Variants in SLC45A4 observed in about 807,000 individuals in gnomAD.
The protein encoded by SLC45A4 is polyamine-transporter SLC45A4.
A neutral mutation model predicts 63.7 loss-of-function variants in SLC45A4; 32 were observed. The observed-to-expected ratio is 0.50, with a 90% CI of 0.38 to 0.67. The LOEUF is 0.67. Ranked by LOEUF, SLC45A4 falls within the 30% of genes least tolerant of loss-of-function variation. The pLI, the probability that SLC45A4 is intolerant of heterozygous loss-of-function variation, is 0.00. For synonymous variants in SLC45A4, 535 were observed against 510.0 expected, an observed-to-expected ratio of 1.05 and a Z score of -0.66; for missense variants, 1,027 against 1,157.7, an observed-to-expected ratio of 0.89 and a Z score of 1.64.
intron 1 of SLC45A4, among the ~76,000 whole-genome samples, chr8:141,298,916 G>A (rs913586974): frequency 1.3e-5 from 2 of 152,050 alleles, no homozygotes; most frequent in Non-Finnish European, 2.9e-5. Flanking sequence ...GGGGTGGGGG[G>A]AGCTGATGAG....
At chr8:141,252,825 CTG>C (rs1204141265) in intron 2 of SLC45A4, among the ~76,000 whole-genome samples, 3 of 148,704 alleles carry the variant, frequency 2.0e-5, no homozygotes, top group Non-Finnish European at 4.4e-5. Context: ...ACCTGCGTGT[CTG>C]TGAATTTCCG....
At chr8:141,214,347 A>G (rs1441880113) in intron 7 of SLC45A4, among the ~76,000 whole-genome samples, 1 of 152,242 alleles carries the variant, frequency 6.6e-6, no homozygotes, top group Non-Finnish European at 1.5e-5. Flanking sequence ...ACGAAGGATC[A>G]GGAAGGAGAA....
At chr8:141,228,939 C>T (rs140195397) in intron 2 of SLC45A4, among the ~76,000 whole-genome samples, 1,819 of 152,244 alleles carry the variant, frequency 0.012, 14 homozygotes, top group Non-Finnish European at 0.02. Flanking sequence ...GTCAGGACCC[C>T]GGGCACCAAC....
In SLC45A4 at chr8:141,207,932, C is replaced by T. The variant is rs182199350; in HGVS notation, c.*3640G>A. 107 of 152,476 alleles carry T rather than the reference C, an allele frequency of 7.0e-4. No homozygotes were observed. The highest frequency in any genetic ancestry group is 1.8e-3 in the Admixed American group (27 of 15,308). 9.4% of individuals were successfully genotyped at this position (152,476 alleles called of 1,614,324 possible). ...CAGGTGGTGAAGGGCAGAACCCCCCCAGGAGCTCTCGGAAGCAGGGGTCCC... is the reference window on the plus strand; with the variant it reads ...CAGGTGGTGAAGGGCAGAACCCCCCTAGGAGCTCTCGGAAGCAGGGGTCCC... On this transcript the variant is annotated 3_prime_UTR_variant, in exon 9 of 9. Coordinates refer to ENST00000517878, the MANE Select transcript of SLC45A4 (RefSeq NM_001286646.2).
At chr8:141,243,404 G>A (rs183431481) in intron 2 of SLC45A4, among the ~76,000 whole-genome samples, 34 of 152,326 alleles carry the variant, frequency 2.2e-4, no homozygotes, top group East Asian at 5.8e-4. Flanking sequence ...AGGAAAAGCC[G>A]TTCCTTCCGC....
intron 1 of SLC45A4, among the ~76,000 whole-genome samples, chr8:141,257,131 C>T (rs781739301): frequency 1.3e-5 from 2 of 152,168 alleles, no homozygotes; most frequent in South Asian, 2.1e-4. Context: ...GGATTACAAG[C>T]GTGGGGCACC....
At chr8:141,296,134 C>T (rs756352161) in intron 1 of SLC45A4, among the ~76,000 whole-genome samples, 10 of 152,148 alleles carry the variant, frequency 6.6e-5, no homozygotes, top group Non-Finnish European at 1.3e-4. Flanking sequence ...AGTTTGAGAC[C>T]AGCCTGGCCA....
intron 1 of SLC45A4, among the ~76,000 whole-genome samples, chr8:141,287,127 C>A (rs965070550): frequency 3.3e-5 from 5 of 152,160 alleles, no homozygotes; most frequent in African/African-American, 1.2e-4. Context: ...CACTTCTACA[C>A]GCTTTCATTC....
Position 141,217,105 on chromosome 8 carries a change from C to G in SLC45A4, c.1714G>C (p.Gly572Arg). Reference protein sequence around the residue: ...CWGLVIYAATGAICSALLQKY... With the variant: ...CWGLVIYAATRAICSALLQKY... Reference sequence around the variant, plus strand: ...GAGCTCTTACCTGAACAAATAGCACCAGTGGCGGCATAAATGACCAGGCCC... The same window carrying G: ...GAGCTCTTACCTGAACAAATAGCACGAGTGGCGGCATAAATGACCAGGCCC... Residue 572 changes from glycine to arginine, a missense_variant, in exon 6 of 9, where the codon GGT becomes CGT. Coordinates refer to ENST00000517878, the MANE Select transcript of SLC45A4 (RefSeq NM_001286646.2). The G allele has an allele frequency of 6.2e-7, 1 of 1,613,972 alleles. No individual in the cohort carries two copies. Among genetic ancestry groups the G allele is most frequent in the Non-Finnish European group, 8.5e-7 (1 of 1,180,002 alleles).
rs920613145 is a variant in SLC45A4 at position 141,210,831 on chromosome 8, G to A, written c.*741C>T. The A allele has an allele frequency of 2.0e-5, 3 of 152,238 alleles. No individual in the cohort carries two copies. The highest frequency in any genetic ancestry group is 7.2e-5 in the African/African-American group (3 of 41,456). 9.4% of individuals were successfully genotyped at this position (152,238 alleles called of 1,614,324 possible). A position where few individuals can be genotyped will look rare whatever the true frequency, so the allele number is the denominator to read the frequency against. ...GGGGCCTCCCTGTCTCCTGATCTCA[G>A]TAAGCCTACACCGACCGTTTCAAAT... On this transcript the variant is annotated 3_prime_UTR_variant, in exon 9 of 9. Coordinates refer to ENST00000517878, the MANE Select transcript of SLC45A4 (RefSeq NM_001286646.2).
At chr8:141,236,097 C>G (rs1827613533) in intron 2 of SLC45A4, among the ~76,000 whole-genome samples, 1 of 152,172 alleles carries the variant, frequency 6.6e-6, no homozygotes, top group Non-Finnish European at 1.5e-5. Flanking sequence ...GAGCAAGACT[C>G]CGTCTCAAAA....
chr8:141,293,067 C>A (rs1243082484), intron 1 of SLC45A4, among the ~76,000 whole-genome samples: 2 of 152,208 alleles, frequency 1.3e-5, no homozygotes, highest in Non-Finnish European at 2.9e-5. Context: ...TCCTCCCCCA[C>A]CCCCCTACTG....
At chr8:141,212,776 CG>C (rs1388272268) in intron 7 of SLC45A4, among the ~76,000 whole-genome samples, 18 of 152,286 alleles carry the variant, frequency 1.2e-4, no homozygotes, top group African/African-American at 4.1e-4. Flanking sequence ...AGAGGGCAGG[CG>C]TGGAAGCAAC....
At chr8:141,255,543 C>A (rs1293633946) in intron 1 of SLC45A4, among the ~76,000 whole-genome samples, 1 of 152,094 alleles carries the variant, frequency 6.6e-6, no homozygotes, top group Non-Finnish European at 1.5e-5. Flanking sequence ...TGGCGAAAGC[C>A]CATCTCTACT....
chr8:141,293,359 C>T (rs1328426402), intron 1 of SLC45A4, among the ~76,000 whole-genome samples: 1 of 152,060 alleles, frequency 6.6e-6, no homozygotes, highest in Non-Finnish European at 1.5e-5. Context: ...GAGGCTGAGG[C>T]AAGAGAATCA....
chr8:141,279,890 T>C (rs913103342), intron 1 of SLC45A4, among the ~76,000 whole-genome samples: 3 of 152,334 alleles, frequency 2.0e-5, no homozygotes, highest in African/African-American at 7.2e-5. Flanking sequence ...CCCCAAACAC[T>C]CAGCAATCTA....
At chr8:141,246,834 G>C (rs1828229356) in intron 2 of SLC45A4, among the ~76,000 whole-genome samples, 1 of 152,164 alleles carries the variant, frequency 6.6e-6, no homozygotes, top group Admixed American at 6.5e-5. Flanking sequence ...AGAAGAAGTA[G>C]CCAGTTGTGG....
intron 1 of SLC45A4, among the ~76,000 whole-genome samples, chr8:141,261,463 T>G (rs572337761): frequency 3.9e-5 from 6 of 152,024 alleles, no homozygotes; most frequent in African/African-American, 1.4e-4. Context: ...TGATTGTATA[T>G]CTAGAAAACC....
chr8:141,243,685 G>C (rs904045202), intron 2 of SLC45A4, among the ~76,000 whole-genome samples: 6 of 151,974 alleles, frequency 3.9e-5, no homozygotes, highest in Non-Finnish European at 7.4e-5. Flanking sequence ...ACGTGGGTTT[G>C]AACTGTACCG....
Sources: allele counts gnomAD v4.1 joint callset (sites outside exome capture counted in the v4.1 genomes callset), GRCh38; gene constraint gnomAD v4.1.1; transcripts MANE v1.5; gene names NCBI Gene and HGNC (gene_info 2026-07-23, HGNC 2026-07-21).